The following TGFBRAP1 variants were observed in gnomAD, a reference collection of about 807,000 sequenced individuals.
TGFBRAP1 encodes the protein transforming growth factor-beta receptor-associated protein 1.
A neutral mutation model predicts 83.2 loss-of-function variants in TGFBRAP1; 20 were observed. The ratio of observed to expected loss-of-function variants is 0.24; its 90% CI spans 0.17 to 0.35. The LOEUF (loss-of-function observed/expected upper bound fraction) is 0.35. TGFBRAP1 is among the 10% of genes least tolerant of loss of function. The probability of loss-of-function intolerance (pLI) is 1.00; values close to 1 mark genes in which losing one functional copy is unlikely to be tolerated. For missense variants in TGFBRAP1, 950 were observed against 1,099.4 expected (o/e 0.86, Z 1.92); for synonymous variants, 415 against 459.8 (o/e 0.90, Z 1.25).
At chr2:105,306,281 C>G (rs1678496774) in intron 2 of TGFBRAP1, among the ~76,000 whole-genome samples, 1 of 151,678 alleles carries the variant, frequency 6.6e-6, no homozygotes, top group South Asian at 2.1e-4. Flanking sequence ...AGGATGGTCT[C>G]GAACTCCCCA....
the TGFBRAP1 span, among the ~76,000 whole-genome samples, chr2:105,253,226 G>A: frequency 1.9e-3 from 285 of 151,952 alleles, 3 homozygotes; most frequent in African/African-American, 6.3e-3. Context: ...TCCGCCTCCC[G>A]GGTTCAAGTG....
intron 3 of TGFBRAP1, 94 bp from the exon 4 acceptor site, chr2:105,296,604 G>A (rs1392367813): frequency 3.7e-6 from 5 of 1,362,740 alleles, no homozygotes; most frequent in South Asian, 1.5e-5. Flanking sequence ...TACCTGATTT[G>A]TTCAACAACT....
In TGFBRAP1 at chr2:105,275,633, T is replaced by C. The variant is rs377572582; in HGVS notation, c.1592A>G (p.Asp531Gly). Residue 531 changes from aspartate to glycine, a missense_variant, in exon 8 of 12, where the codon GAT becomes GGT. By Grantham distance (94) the Asp-to-Gly change is moderately conservative. Coordinates refer to ENST00000393359, the MANE Select transcript of TGFBRAP1 (RefSeq NM_004257.6). ...TRSDLYEYIV[D>G]FLTYCLDEEL... is the part of the protein sequence containing the mutation. The stretch of plus-strand genomic sequence containing the variant: ...CTCGTCTAAGCAGTAGGTAAGAAAA[T>C]CCACGATGTATTCATACAGGTCTGA... 79 of 1,613,834 alleles carry C rather than the reference T, an allele frequency of 4.9e-5. No homozygotes were observed. The highest frequency in any genetic ancestry group is 6.2e-5 in the Non-Finnish European group (73 of 1,180,024).
At chr2:105,280,774 A>G in intron 5 of TGFBRAP1, 51 bp from the exon 6 acceptor site, 8 of 1,542,250 alleles carry the variant, frequency 5.2e-6, no homozygotes, top group Non-Finnish European at 7.0e-6. Context: ...AAGAGTACAC[A>G]TAGGCACACA....
At chr2:105,312,071 C>T (rs1678714006) in intron 1 of TGFBRAP1, among the ~76,000 whole-genome samples, 1 of 152,082 alleles carries the variant, frequency 6.6e-6, no homozygotes, top group Non-Finnish European at 1.5e-5. Flanking sequence ...GGTTCTGAAT[C>T]AGAGAAGTTT....
At chr2:105,309,973 TG>T in intron 1 of TGFBRAP1, among the ~76,000 whole-genome samples, 1 of 152,252 alleles carries the variant, frequency 6.6e-6, no homozygotes, top group Middle Eastern at 3.4e-3. Context: ...CCCTGAGGGA[TG>T]GGCCCTCACC....
At chr2:105,297,144 T>C (rs2104372706) in intron 3 of TGFBRAP1, among the ~76,000 whole-genome samples, 1 of 152,288 alleles carries the variant, frequency 6.6e-6, no homozygotes, top group Admixed American at 6.5e-5. Context: ...AGTCCAAGAC[T>C]AGCTCCTACT....
intron 10 of TGFBRAP1, among the ~76,000 whole-genome samples, chr2:105,270,234 C>T (rs1677106615): frequency 6.6e-6 from 1 of 152,210 alleles, no homozygotes; most frequent in African/African-American, 2.4e-5. Context: ...CTCTACATTA[C>T]TCAACAGAAG....
intron 4 of TGFBRAP1, among the ~76,000 whole-genome samples, chr2:105,289,226 T>C (rs1677821464): frequency 6.6e-6 from 1 of 151,940 alleles, no homozygotes; most frequent in African/African-American, 2.4e-5. Flanking sequence ...TGCCAAACTC[T>C]CTTGGGAAGG....
chr2:105,311,419 A>C (rs992062257), intron 1 of TGFBRAP1, among the ~76,000 whole-genome samples: 1 of 151,656 alleles, frequency 6.6e-6, no homozygotes, highest in East Asian at 1.9e-4. Flanking sequence ...CTGTCTCTAC[A>C]AAAAAAATAT....
intron 4 of TGFBRAP1, among the ~76,000 whole-genome samples, chr2:105,294,645 C>T (rs1305834434): frequency 2.0e-5 from 3 of 151,944 alleles, no homozygotes; most frequent in African/African-American, 4.8e-5. Flanking sequence ...TGCAGTAATA[C>T]AGGGAGAAGC....
intron 1 of TGFBRAP1, among the ~76,000 whole-genome samples, chr2:105,315,757 G>A (rs979442932): frequency 1.3e-4 from 20 of 152,312 alleles, no homozygotes; most frequent in South Asian, 8.3e-4. Context: ...GCTGGAAGGA[G>A]TTTAAAAGGG....
Position 105,269,475 on chromosome 2 carries a change from CGGCCAGCTCGTGGGCAGTGG to C in TGFBRAP1, c.2183_2202del (p.Pro728ArgfsTer15). ...CGGTTCAGCAGGTCCACGGCAGCCACGGCCAGCTCGTGGGCAGTGGGGCCAGCATGCAGGTAGATGGCCAG... is the reference window on the plus strand; with the variant it reads ...CGGTTCAGCAGGTCCACGGCAGCCACGGCCAGCATGCAGGTAGATGGCCAG... On this transcript the variant is annotated frameshift_variant, in exon 11 of 12. Transcript: ENST00000393359. LOFTEE classifies it high-confidence loss of function. This position sits in a 1 kb window ranked among gnomAD's most constrained non-coding sequence, Gnocchi z 4.1. The C allele has an allele frequency of 6.2e-7, 1 of 1,613,302 alleles. No homozygotes were observed. The highest frequency in any genetic ancestry group is 1.1e-5 in the South Asian group (1 of 91,022).
chr2:105,310,844 G>A (rs555743631), intron 1 of TGFBRAP1, among the ~76,000 whole-genome samples: 77 of 152,224 alleles, frequency 5.1e-4, no homozygotes, highest in African/African-American at 1.7e-3. Flanking sequence ...TTCCTTCATT[G>A]ATTAATCAAT....
rs1677053363 is a variant in TGFBRAP1 at position 105,269,138 on chromosome 2, A to G, written c.2406+134T>C. 1 of 1,159,624 alleles carries G rather than the reference A, an allele frequency of 8.6e-7. No homozygotes were observed. Among genetic ancestry groups the G allele is most frequent in the Non-Finnish European group, 1.2e-6 (1 of 849,486 alleles). 71.8% of individuals were successfully genotyped at this position (1,159,624 alleles called of 1,614,324 possible). On this transcript the variant is annotated intron_variant, in intron 11 of 11. Coordinates refer to ENST00000393359, the MANE Select transcript of TGFBRAP1 (RefSeq NM_004257.6). The surrounding 1 kb of genome is among the most constrained non-coding windows in gnomAD (Gnocchi z 4.1). ...ACAGACCTCAGTTTCTATGAGTAGGATCAGATATTGATGTGTTGTAGTCAT... is the reference window on the plus strand; with the variant it reads ...ACAGACCTCAGTTTCTATGAGTAGGGTCAGATATTGATGTGTTGTAGTCAT...
intron 7 of TGFBRAP1, among the ~76,000 whole-genome samples, chr2:105,277,370 A>C (rs928875802): frequency 6.6e-6 from 1 of 152,238 alleles, no homozygotes; most frequent in Non-Finnish European, 1.5e-5. Context: ...TCATTTCTTA[A>C]GTTTTCAAAA....
chr2:105,255,855 T>C, the TGFBRAP1 span, among the ~76,000 whole-genome samples: 10 of 151,900 alleles, frequency 6.6e-5, no homozygotes, highest in Admixed American at 6.6e-4. Context: ...ACGGGAAGGC[T>C]CCTGACCACA....
At chr2:105,263,351 C>T (rs917859599), downstream of TGFBRAP1, among the ~76,000 whole-genome samples, 9 of 152,216 alleles carry the variant, frequency 5.9e-5, no homozygotes, top group Non-Finnish European at 1.0e-4. Flanking sequence ...CAATGCGAGT[C>T]CACCCTGGGC....
rs770914596 is a variant in TGFBRAP1 at position 105,273,723 on chromosome 2, T to C, written c.1666-33A>G. The C allele has an allele frequency of 1.2e-5, 19 of 1,602,136 alleles. 1 individual carries two copies. Among genetic ancestry groups the C allele is most frequent in the Middle Eastern group, 3.3e-4 (2 of 6,022 alleles). ...AGGAGCGACAATACAGTGACTGTGC[T>C]TCCCAAACCCACCTTTCCTTTAACT... On this transcript the variant is annotated intron_variant, in intron 8 of 11. Coordinates refer to ENST00000393359, the MANE Select transcript of TGFBRAP1 (RefSeq NM_004257.6).
Sources: allele counts gnomAD v4.1 joint callset (sites outside exome capture counted in the v4.1 genomes callset), GRCh38; gene constraint gnomAD v4.1.1; non-coding constraint Gnocchi (gnomAD v3.1); transcripts MANE v1.5; gene names NCBI Gene and HGNC (gene_info 2026-07-23, HGNC 2026-07-21).